TNPO3: variants seen among roughly 807,000 people sequenced by gnomAD.
TNPO3 encodes the protein transportin-3.
A neutral mutation model predicts 122.8 loss-of-function variants in TNPO3; 65 were observed. The observed-to-expected ratio is 0.53, with a 90% CI of 0.43 to 0.65. The LOEUF (loss-of-function observed/expected upper bound fraction) is 0.65. TNPO3 is among the 30% of genes least tolerant of loss of function. The probability of loss-of-function intolerance (pLI) is 0.00; values close to 1 mark genes in which losing one functional copy is unlikely to be tolerated. For missense variants in TNPO3, 850 were observed against 1,136.7 expected (o/e 0.75, Z 3.63); for synonymous variants, 372 against 411.2 (o/e 0.90, Z 1.15).
In TNPO3 at chr7:128,983,165, C is replaced by T. The variant is rs80083600; in HGVS notation, c.1783-841G>A. ...TCTTTCGGAGTTTAGGTGCAAGTGG[C>T]CAGCATTAATGTTAAATGGAGATCA... On this transcript the variant is annotated intron_variant, in intron 13 of 22. Transcript: ENST00000265388. Among the ~76,000 whole-genome samples, 529 of 152,092 alleles carry T rather than the reference C, an allele frequency of 3.5e-3. 5 individuals carry two copies. Among genetic ancestry groups the T allele is most frequent in the African/African-American group, 0.012 (505 of 41,480 alleles).
intron 18 of TNPO3, 54 bp from the exon 19 acceptor site, chr7:128,972,636 G>C: frequency 3.2e-6 from 5 of 1,563,618 alleles, no homozygotes; most frequent in Non-Finnish European, 4.4e-6. Flanking sequence ...TATAAAAGCA[G>C]CCAGGGTAAA....
chr7:128,978,692 C>T (rs937573346), intron 16 of TNPO3, among the ~76,000 whole-genome samples: 7 of 152,280 alleles, frequency 4.6e-5, no homozygotes, highest in South Asian at 2.1e-4. Flanking sequence ...GAGTCTTGCT[C>T]TGTCACCCTG....
At chr7:129,013,987 G>A (rs1389355165) in intron 4 of TNPO3, among the ~76,000 whole-genome samples, 3 of 152,102 alleles carry the variant, frequency 2.0e-5, no homozygotes, top group Non-Finnish European at 2.9e-5. Flanking sequence ...GGGAGGGGAC[G>A]ACCAAGAAAG....
chr7:129,014,958 T>C, intron 4 of TNPO3, 21 bp downstream of exon 4: 1 of 1,550,588 alleles, frequency 6.4e-7, no homozygotes, highest in Non-Finnish European at 8.6e-7. Context: ...TGCAGCAACT[T>C]AGTATTTCAA....
intron 18 of TNPO3, among the ~76,000 whole-genome samples, chr7:128,974,413 G>A (rs1366975509): frequency 3.3e-5 from 5 of 151,126 alleles, no homozygotes; most frequent in South Asian, 4.2e-4. Context: ...AAAGTAGGCT[G>A]TGAGTAGAGC....
At chr7:129,015,624 C>G (rs1009255986) in intron 3 of TNPO3, among the ~76,000 whole-genome samples, 1 of 152,088 alleles carries the variant, frequency 6.6e-6, no homozygotes, top group Non-Finnish European at 1.5e-5. Context: ...CACGAGTCCA[C>G]AAGTTCGAGA....
chr7:129,027,558 C>CAAAAAAAA (rs71162549), intron 1 of TNPO3, among the ~76,000 whole-genome samples: 13 of 8,964 alleles, frequency 1.5e-3, no homozygotes, highest in Non-Finnish European at 2.0e-3. Context: ...AAGACTGTCT[C>CAAAAAAAA]AAAAAAAAAA....
At chr7:128,964,018 C>G (rs1351813969) in intron 21 of TNPO3, among the ~76,000 whole-genome samples, 3 of 152,032 alleles carry the variant, frequency 2.0e-5, no homozygotes, top group Non-Finnish European at 4.4e-5. Context: ...TATAATAAAA[C>G]AGCTCTTTAA....
In TNPO3 at chr7:129,001,231, G is replaced by C. The variant is rs748129754; in HGVS notation, c.700C>G (p.Gln234Glu). ...TGTAGGTTAGACGAGGTCTTATCCT[G>C]TTGCTGGGGAGGTAGCAGGAATAGG... ...LLALLFEVLQ[Q>E]DKTSSNLHEA... Residue 234 changes from glutamine to glutamate, a missense_variant, in exon 6 of 23, where the codon CAG becomes GAG. Gln to Glu is a conservative substitution (Grantham distance 29). Coordinates refer to ENST00000265388, the MANE Select transcript of TNPO3 (RefSeq NM_012470.4). 4.4e-5 allele frequency: 70 copies of C among 1,597,004 alleles called. No individual in the cohort carries two copies. The highest frequency in any genetic ancestry group is 5.8e-5 in the Non-Finnish European group (68 of 1,167,072).
intron 1 of TNPO3, among the ~76,000 whole-genome samples, chr7:129,035,935 T>TTTTTCTTTTC (rs1224789081): frequency 3.2e-5 from 4 of 126,072 alleles, no homozygotes; most frequent in Non-Finnish European, 6.8e-5. Context: ...GTATGTGTGT[T>TTTTTCTTTTC]TTTTCTTTTC....
Position 128,997,534 on chromosome 7 carries a change from A to G in TNPO3, c.1013T>C (p.Val338Ala). Residue 338 changes from valine to alanine, a missense_variant and splice_region_variant, in exon 8 of 23, where the codon GTA becomes GCA. Physicochemically the swap from Val to Ala is moderately conservative, Grantham distance 64 (BLOSUM62 0). Coordinates refer to ENST00000265388, the MANE Select transcript of TNPO3 (RefSeq NM_012470.4). Reference sequence around the variant, plus strand: ...CCAAAAGTTAAATGAAATTTCTACTACCTGTTAGGTTAAAAGAGATGATTT... The same window carrying G: ...CCAAAAGTTAAATGAAATTTCTACTGCCTGTTAGGTTAAAAGAGATGATTT... Reference protein sequence around the residue: ...LICAGHPQYEVVEISFNFWYR... With the variant: ...LICAGHPQYEAVEISFNFWYR... The G allele has an allele frequency of 6.2e-7, 1 of 1,612,772 alleles. No individual in the cohort carries two copies. The highest frequency in any genetic ancestry group is 8.5e-7 in the Non-Finnish European group (1 of 1,178,824).
chr7:129,052,428 T>C (rs1584599346), intron 1 of TNPO3, among the ~76,000 whole-genome samples: 1 of 152,250 alleles, frequency 6.6e-6, no homozygotes, highest in African/African-American at 2.4e-5. Flanking sequence ...AAACTATTTC[T>C]TGTCACACCA....
intron 4 of TNPO3, among the ~76,000 whole-genome samples, chr7:129,012,003 C>CTT (rs1174882837): frequency 5.2e-4 from 69 of 131,696 alleles, no homozygotes; most frequent in South Asian, 9.6e-4. Context: ...CTTTTTCTTT[C>CTT]TTTTTTTTTT....
intron 19 of TNPO3, among the ~76,000 whole-genome samples, chr7:128,971,735 G>A (rs1433846518): frequency 2.0e-5 from 3 of 152,078 alleles, no homozygotes; most frequent in African/African-American, 7.2e-5. Context: ...TCTGATCTTG[G>A]CTTAGAGGCA....
At chr7:128,994,318 C>T (rs368996994) in intron 8 of TNPO3, among the ~76,000 whole-genome samples, 2 of 152,010 alleles carry the variant, frequency 1.3e-5, no homozygotes, top group African/African-American at 2.4e-5. Context: ...CCACCACACC[C>T]GACTAATTTT....
chr7:128,984,273 G>C lies in TNPO3; in HGVS notation c.1691-14C>G. The C allele has an allele frequency of 6.3e-7, 1 of 1,591,730 alleles. No individual in the cohort carries two copies. The highest frequency in any genetic ancestry group is 8.6e-7 in the Non-Finnish European group (1 of 1,165,964). On this transcript the variant is annotated splice_polypyrimidine_tract_variant and intron_variant, in intron 12 of 22. Transcript: ENST00000265388. ...CAAGTGCTGTCCCTGAAAAACAAAG[G>C]AAGATACAAATGAAAAATAAACGCT... is the stretch of plus-strand genomic sequence containing the variant.
At chr7:128,972,401 G>A in intron 19 of TNPO3, 25 bp downstream of exon 19, 1 of 1,597,858 alleles carries the variant, frequency 6.3e-7, no homozygotes, top group Non-Finnish European at 8.5e-7. Context: ...CTGTTAAGTA[G>A]AAATGGTATC....
At chr7:128,992,233 T>C in intron 9 of TNPO3, 143 bp from the exon 10 acceptor site, 1 of 482,974 alleles carries the variant, frequency 2.1e-6, no homozygotes, top group Non-Finnish European at 3.6e-6. Flanking sequence ...AATATTATTT[T>C]CTTTTTTTTA....
In TNPO3 at chr7:128,957,186, G is replaced by C. The variant is rs1481673947; in HGVS notation, c.*31+38C>G. ...CATTCCCAGGCATCCCCAACAGTCCGACAGTCCGGACAAAAGCTGGGAACT... is the reference window on the plus strand; with the variant it reads ...CATTCCCAGGCATCCCCAACAGTCCCACAGTCCGGACAAAAGCTGGGAACT... On this transcript the variant is annotated intron_variant, in intron 22 of 22. Transcript: ENST00000265388. 4 of 1,575,934 alleles carry C rather than the reference G, an allele frequency of 2.5e-6. No individual in the cohort carries two copies. The East Asian group carries it at 8.9e-5, about 35-fold the overall frequency.
Sources: allele counts gnomAD v4.1 joint callset (sites outside exome capture counted in the v4.1 genomes callset), GRCh38; gene constraint gnomAD v4.1.1; transcripts MANE v1.5; gene names NCBI Gene and HGNC (gene_info 2026-07-23, HGNC 2026-07-21).